Variants in EGLN3 observed in about 807,000 individuals in gnomAD.
EGLN3 encodes the protein prolyl hydroxylase EGLN3.
In EGLN3, 15 loss-of-function variants were observed where a neutral mutation model predicts 26.0. That is an observed-to-expected ratio of 0.58 (90% confidence interval 0.39 to 0.89). The LOEUF is 0.89. Ranked by LOEUF, EGLN3 falls within the 40% of genes least tolerant of loss-of-function variation. The pLI is 0.00. For missense variants in EGLN3, 238 were observed against 311.6 expected (o/e 0.76, Z 1.78); for synonymous variants, 147 against 127.2 (o/e 1.16, Z -1.05).
chr14:33,935,600 C>T lies in EGLN3; in HGVS notation c.358-4385G>A, dbSNP rs1594378932. On this transcript the variant is annotated intron_variant, in intron 1 of 4. Coordinates refer to ENST00000250457, the MANE Select transcript of EGLN3 (RefSeq NM_022073.4). ...CTATAAATAAATACACACACACACA[C>T]ACACACACACACACACACACATATA... 3.0e-5 allele frequency among the ~76,000 whole-genome samples: 4 copies of T among 132,960 alleles called. No homozygotes were observed. The East Asian group carries it at 8.2e-4, about 27-fold the overall frequency. The allele number at this position is 132,960 out of a possible 152,430, so 87.2% of individuals were successfully genotyped here. A position where few individuals can be genotyped will look rare whatever the true frequency, so the allele number is the denominator to read the frequency against.
chr14:33,950,593 C>G lies in EGLN3; in HGVS notation c.160G>C (p.Gly54Arg). The G allele has an allele frequency of 1.2e-6, 2 of 1,613,342 alleles. No homozygotes were observed. The highest frequency in any genetic ancestry group is 1.7e-6 in the Non-Finnish European group (2 of 1,179,782). The change falls in exon 1 of 5, where the codon GGG becomes CGG. Residue 54 changes from glycine (G) to arginine (R), a missense_variant. By Grantham distance (125) the Gly-to-Arg change is moderately radical. Transcript: ENST00000250457. ...GCCAGCTGGCCGTCCCGCAGGGCCCCGGTGCAGTGCAGCTGCTTGACGCGC... is the reference window on the plus strand; with the variant it reads ...GCCAGCTGGCCGTCCCGCAGGGCCCGGGTGCAGTGCAGCTGCTTGACGCGC... ...LERVKQLHCTGALRDGQLAGP... is the reference protein window; with the variant it reads ...LERVKQLHCTRALRDGQLAGP...
intron 1 of EGLN3, among the ~76,000 whole-genome samples, chr14:33,935,785 AT>A (rs768559491): frequency 9.9e-5 from 15 of 152,092 alleles, no homozygotes; most frequent in Non-Finnish European, 1.5e-5. Flanking sequence ...CTCATCCTGA[AT>A]GCCATCCACA....
chr14:33,941,800 G>C (rs2064485258), intron 1 of EGLN3, among the ~76,000 whole-genome samples: 1 of 152,134 alleles, frequency 6.6e-6, no homozygotes, highest in Non-Finnish European at 1.5e-5. Context: ...ACAGAGTTCT[G>C]GGGAGCAGAA....
At chr14:33,933,387 C>A (rs1306288538) in intron 1 of EGLN3, among the ~76,000 whole-genome samples, 8 of 150,934 alleles carry the variant, frequency 5.3e-5, no homozygotes, top group Admixed American at 5.3e-4. Flanking sequence ...ATAAAACACA[C>A]AGAGACAAAG....
intron 3 of EGLN3, among the ~76,000 whole-genome samples, chr14:33,927,455 G>T (rs894633140): frequency 1.6e-4 from 24 of 152,136 alleles, no homozygotes; most frequent in Middle Eastern, 3.4e-3. Flanking sequence ...CACCATGCCC[G>T]GCCTGTCTAC....
intron 1 of EGLN3, among the ~76,000 whole-genome samples, chr14:33,935,809 C>G (rs2064438010): frequency 1.3e-5 from 2 of 152,106 alleles, no homozygotes; most frequent in Non-Finnish European, 2.9e-5. Flanking sequence ...CCAATTGCAT[C>G]CTGACACCTC....
At chr14:33,937,709 A>G (rs1183376743) in intron 1 of EGLN3, among the ~76,000 whole-genome samples, 1 of 152,186 alleles carries the variant, frequency 6.6e-6, no homozygotes, top group Non-Finnish European at 1.5e-5. Flanking sequence ...AATCCACACT[A>G]AAAATAATTC....
chr14:33,933,913 G>A (rs1462887117), intron 1 of EGLN3, among the ~76,000 whole-genome samples: 2 of 152,132 alleles, frequency 1.3e-5, no homozygotes, highest in African/African-American at 4.8e-5. Flanking sequence ...ACGGGCCAGA[G>A]TAATTTAATG....
At chr14:33,941,730 C>T (rs1161079168) in intron 1 of EGLN3, among the ~76,000 whole-genome samples, 4 of 152,126 alleles carry the variant, frequency 2.6e-5, no homozygotes, top group Non-Finnish European at 4.4e-5. Flanking sequence ...TCTAAGCACA[C>T]GGTGGACAGC....
intron 1 of EGLN3, among the ~76,000 whole-genome samples, chr14:33,936,294 T>G (rs917113503): frequency 2.6e-5 from 4 of 151,596 alleles, no homozygotes; most frequent in Non-Finnish European, 5.9e-5. Flanking sequence ...CTTCTTTTGC[T>G]TGGAAAAACA....
intron 1 of EGLN3, chr14:33,949,520 A>G (rs2064541742): frequency 6.6e-6 from 1 of 152,218 alleles, no homozygotes. Flanking sequence ...TGGCTCAACT[A>G]TCATTTGAGG....
At chr14:33,937,292 A>C (rs1378289811) in intron 1 of EGLN3, among the ~76,000 whole-genome samples, 1 of 152,256 alleles carries the variant, frequency 6.6e-6, no homozygotes, top group African/African-American at 2.4e-5. Flanking sequence ...ACGGGCATGA[A>C]GAAAATAGTT....
At chr14:33,934,441 A>C (rs1319182746) in intron 1 of EGLN3, among the ~76,000 whole-genome samples, 1 of 149,104 alleles carries the variant, frequency 6.7e-6, no homozygotes, top group African/African-American at 2.5e-5. Flanking sequence ...TGGTTCTGTT[A>C]AGAGTTACCA....
intron 1 of EGLN3, among the ~76,000 whole-genome samples, chr14:33,942,923 A>G (rs2064493276): frequency 6.6e-6 from 1 of 152,226 alleles, no homozygotes; most frequent in Non-Finnish European, 1.5e-5. Flanking sequence ...ACACTAAGTA[A>G]CAAGGTACCA....
intron 1 of EGLN3, among the ~76,000 whole-genome samples, chr14:33,945,803 G>T (rs1182262704): frequency 2.0e-5 from 3 of 152,286 alleles, no homozygotes; most frequent in Non-Finnish European, 4.4e-5. Context: ...AAAGTAGTTT[G>T]CAACCATGAT....
intron 1 of EGLN3, among the ~76,000 whole-genome samples, chr14:33,935,083 G>A (rs1169298306): frequency 6.6e-6 from 1 of 152,180 alleles, no homozygotes; most frequent in Non-Finnish European, 1.5e-5. Context: ...AGCGTACTTT[G>A]AATAAAATGC....
Position 33,950,957 on chromosome 14 carries a change from G to C in EGLN3, c.-205C>G. 2 of 603,592 alleles carry C rather than the reference G, an allele frequency of 3.3e-6. No individual in the cohort carries two copies. The highest frequency in any genetic ancestry group is 2.0e-5 in the South Asian group (1 of 49,102). The allele number at this position is 603,592 out of a possible 1,614,324, so 37.4% of individuals were successfully genotyped here. On this transcript the variant is annotated 5_prime_UTR_variant, in exon 1 of 5. Coordinates refer to ENST00000250457, the MANE Select transcript of EGLN3 (RefSeq NM_022073.4). ...AAGGGATCTGCCTTCGGGAACCAGC[G>C]GGAGTGGTGCGGAGCTCCACGACCC...
At chr14:33,939,369 C>G (rs981973510) in intron 1 of EGLN3, among the ~76,000 whole-genome samples, 1 of 152,106 alleles carries the variant, frequency 6.6e-6, no homozygotes, top group Admixed American at 6.6e-5. Flanking sequence ...CGCCACCACG[C>G]CCGGCTAATT....
chr14:33,936,092 A>C (rs7156782), intron 1 of EGLN3, among the ~76,000 whole-genome samples: 1 of 152,084 alleles, frequency 6.6e-6, no homozygotes, highest in Non-Finnish European at 1.5e-5. Flanking sequence ...TTAGTTGGGC[A>C]TGGTGGCGCA....
Sources: gnomAD v4.1 joint callset for allele counts (sites outside exome capture counted in the v4.1 genomes callset) on GRCh38, gnomAD v4.1.1 for gene constraint, MANE v1.5 for transcripts, NCBI Gene and HGNC (gene_info 2026-07-23, HGNC 2026-07-21) for gene names.